The following NCKAP5 variants were observed in gnomAD, a reference collection of about 807,000 sequenced individuals.
NCKAP5 encodes NCK associated protein 5, also known as nck-associated protein 5.
NCKAP5 carries 92 observed loss-of-function variants against 167.0 expected under a neutral mutation model. That is an observed-to-expected ratio of 0.55 (90% CI 0.47 to 0.66). The LOEUF (loss-of-function observed/expected upper bound fraction) is 0.66, where lower values mean the gene tolerates loss of function less well. NCKAP5 is among the 30% of genes least tolerant of loss of function. The pLI, the probability that NCKAP5 is intolerant of heterozygous loss-of-function variation, is 0.00. For missense variants in NCKAP5, 2,378 were observed against 2,315.0 expected, an observed-to-expected ratio of 1.03 and a Z score of -0.56; for synonymous variants, 891 against 877.4, an observed-to-expected ratio of 1.02 and a Z score of -0.27.
intron 6 of NCKAP5, among the ~76,000 whole-genome samples, chr2:133,114,138 G>A (rs572910363): frequency 9.2e-5 from 14 of 152,310 alleles, no homozygotes; most frequent in Middle Eastern, 3.4e-3. Flanking sequence ...CTGCATCAGA[G>A]TTAGGTTTAG....
intron 6 of NCKAP5, among the ~76,000 whole-genome samples, chr2:133,014,653 C>T (rs1248853659): frequency 6.6e-6 from 1 of 152,202 alleles, no homozygotes; most frequent in Admixed American, 6.5e-5. Flanking sequence ...CAAACTAAAA[C>T]TTAACCTTAC....
the NCKAP5 span, among the ~76,000 whole-genome samples, chr2:133,616,817 C>T: frequency 5.3e-5 from 8 of 152,218 alleles, 1 homozygote; most frequent in Admixed American, 6.5e-5. Context: ...CCAGCATCAT[C>T]CTGATACCAA....
chr2:133,377,330 T>C (rs1574832843), intron 3 of NCKAP5, among the ~76,000 whole-genome samples: 1 of 152,240 alleles, frequency 6.6e-6, no homozygotes, highest in South Asian at 2.1e-4. Context: ...AATTATTATG[T>C]GTATCAGTGG....
chr2:132,819,712 T>A (rs1686565905), intron 11 of NCKAP5, among the ~76,000 whole-genome samples: 1 of 152,016 alleles, frequency 6.6e-6, no homozygotes, highest in African/African-American at 2.4e-5. Flanking sequence ...GTTAAAAATT[T>A]AAAGAGGGAA....
the NCKAP5 span, among the ~76,000 whole-genome samples, chr2:133,655,564 TC>T: frequency 6.6e-6 from 1 of 152,150 alleles, no homozygotes; most frequent in Non-Finnish European, 1.5e-5. Flanking sequence ...TAATGGGGCA[TC>T]CCATCAATCA....
rs1558942829 is a variant in NCKAP5 at position 132,920,727 on chromosome 2, ATATATGTATATATATG to A, written c.580-41827_580-41812del. ...CGTATATGTATATATATGTATATATATATATGTATATATATGTGTATATATATATGTATATATATGT... is the reference window on the plus strand; with the variant it reads ...CGTATATGTATATATATGTATATATATGTATATATATATGTATATATATGT... On this transcript the variant is annotated intron_variant, in intron 8 of 19. Transcript: ENST00000409261. 3.5e-5 allele frequency among the ~76,000 whole-genome samples: 4 copies of A among 113,602 alleles called. 1 individual carries two copies. The highest frequency in any genetic ancestry group is 1.5e-4 in the African/African-American group (4 of 26,500). The allele number at this position is 113,602 out of a possible 152,430, so 74.5% of individuals were successfully genotyped here. A position where few individuals can be genotyped will look rare whatever the true frequency, so the allele number is the denominator to read the frequency against.
At chr2:132,766,714 T>C (rs1184735847) in intron 16 of NCKAP5, among the ~76,000 whole-genome samples, 4 of 152,210 alleles carry the variant, frequency 2.6e-5, no homozygotes, top group Non-Finnish European at 5.9e-5. Context: ...CTTTGAGATC[T>C]TCCCCTCTTT....
the NCKAP5 span, among the ~76,000 whole-genome samples, chr2:133,586,238 A>G: frequency 6.6e-6 from 1 of 152,174 alleles, no homozygotes; most frequent in Non-Finnish European, 1.5e-5. Flanking sequence ...CACCTCCCTC[A>G]GAGGGTCCAG....
chr2:133,637,335 A>C, the NCKAP5 span, among the ~76,000 whole-genome samples: 2 of 151,950 alleles, frequency 1.3e-5, no homozygotes, highest in Non-Finnish European at 2.9e-5. Context: ...CAAAGGAACA[A>C]ACACCAACCA....
intron 3 of NCKAP5, among the ~76,000 whole-genome samples, chr2:133,446,003 A>C (rs1465819470): frequency 6.6e-6 from 1 of 152,118 alleles, no homozygotes; most frequent in Non-Finnish European, 1.5e-5. Context: ...ATGAAGATAG[A>C]ACGATTAAGC....
chr2:132,674,804 T>C (rs1684218620), intron 19 of NCKAP5, among the ~76,000 whole-genome samples: 1 of 152,170 alleles, frequency 6.6e-6, no homozygotes, highest in Non-Finnish European at 1.5e-5. Flanking sequence ...TCATCCTAGA[T>C]CTAGTGCTTA....
intron 1 of NCKAP5, among the ~76,000 whole-genome samples, chr2:133,567,657 CTGTGTGTGTGTGTGTG>C (rs3050985): frequency 1.5e-4 from 19 of 131,000 alleles, no homozygotes; most frequent in Middle Eastern, 3.8e-3. Context: ...ATGAATGAGC[CTGTGTGTGTGTGTGTG>C]TGTGTGTGTG....
At chr2:133,132,645 C>T (rs1040322282) in intron 5 of NCKAP5, among the ~76,000 whole-genome samples, 2 of 151,592 alleles carry the variant, frequency 1.3e-5, no homozygotes, top group Non-Finnish European at 2.9e-5. Flanking sequence ...ATAATCCACA[C>T]CTACTAAATA....
intron 3 of NCKAP5, among the ~76,000 whole-genome samples, chr2:133,356,856 C>A (rs1684751821): frequency 6.6e-6 from 1 of 152,116 alleles, no homozygotes; most frequent in African/African-American, 2.4e-5. Flanking sequence ...ATAGAGGAGG[C>A]CTTTAAACTA....
chr2:133,618,701 TTGG>T, the NCKAP5 span, among the ~76,000 whole-genome samples: 64 of 152,092 alleles, frequency 4.2e-4, no homozygotes, highest in Middle Eastern at 3.4e-3. Context: ...TTTTACACTG[TTGG>T]TGGGACTGTA....
the NCKAP5 span, among the ~76,000 whole-genome samples, chr2:133,605,424 C>T: frequency 2.0e-5 from 3 of 152,078 alleles, no homozygotes; most frequent in Admixed American, 6.6e-5. Flanking sequence ...TGGTCCCCGA[C>T]CCCCTGGGTG....
chr2:133,536,242 T>A (rs111695577), intron 2 of NCKAP5, among the ~76,000 whole-genome samples: 1 of 152,100 alleles, frequency 6.6e-6, no homozygotes. Context: ...ATTTCCAAGG[T>A]TTTCTTCTAG....
chr2:133,023,091 A>G (rs561529334), intron 6 of NCKAP5, among the ~76,000 whole-genome samples: 1 of 152,308 alleles, frequency 6.6e-6, no homozygotes, highest in South Asian at 2.1e-4. Flanking sequence ...CCTCTGAGAA[A>G]TCCTGAAGCA....
At chr2:133,439,892 T>C (rs1395142630) in intron 3 of NCKAP5, among the ~76,000 whole-genome samples, 2 of 152,236 alleles carry the variant, frequency 1.3e-5, no homozygotes, top group Admixed American at 1.3e-4. Flanking sequence ...GCACAATTAC[T>C]CTGAAGATTT....
Sources: gnomAD v4.1 joint callset for allele counts (sites outside exome capture counted in the v4.1 genomes callset) on GRCh38, gnomAD v4.1.1 for gene constraint, MANE v1.5 for transcripts, NCBI Gene and HGNC (gene_info 2026-07-23, HGNC 2026-07-21) for gene names.